The following ELMO1 variants were observed in gnomAD, a reference collection of about 807,000 sequenced individuals.
ELMO1 encodes engulfment and cell motility protein 1.
In ELMO1, 26 loss-of-function variants were observed where a neutral mutation model predicts 98.9. That is an observed-to-expected ratio of 0.26 (90% CI 0.19 to 0.36). The LOEUF is 0.36. ELMO1 is among the 10% of genes least tolerant of loss of function. ELMO1 has a pLI of 1.00. For missense variants in ELMO1, 627 were observed against 935.2 expected, an observed-to-expected ratio of 0.67 and a Z score of 4.30; for synonymous variants, 346 against 346.0, an observed-to-expected ratio of 1.00 and a Z score of 0.00.
intron 19 of ELMO1, among the ~76,000 whole-genome samples, chr7:36,871,293 T>C (rs1443713528): frequency 6.6e-6 from 1 of 152,164 alleles, no homozygotes; most frequent in Non-Finnish European, 1.5e-5. Context: ...TCTAGCACTT[T>C]GAGGGGCTGA....
chr7:37,132,918 T>C, intron 14 of ELMO1: 2 of 369,770 alleles, frequency 5.4e-6, no homozygotes, highest in Non-Finnish European at 9.6e-6. Flanking sequence ...TATTTTTTAA[T>C]GTCATCGAAA....
At chr7:37,315,010 C>T in intron 3 of ELMO1, 88 bp from the exon 4 acceptor site, 1 of 1,193,782 alleles carries the variant, frequency 8.4e-7, no homozygotes, top group Admixed American at 2.0e-5. Context: ...AACTAAGCAC[C>T]CTGTGATTGG....
intron 13 of ELMO1, among the ~76,000 whole-genome samples, chr7:37,205,805 A>T (rs575024913): frequency 4.6e-5 from 7 of 152,330 alleles, no homozygotes; most frequent in Non-Finnish European, 8.8e-5. Flanking sequence ...TGATTTGGGC[A>T]TTACAAATAA....
At chr7:37,393,732 G>A (rs1280216886) in intron 1 of ELMO1, 1 of 152,074 alleles carries the variant, frequency 6.6e-6, no homozygotes, top group East Asian at 1.9e-4. Flanking sequence ...CCTGGTTTTG[G>A]TTTATCCAAA....
At chr7:37,293,400 TG>T (rs1414078964) in intron 4 of ELMO1, among the ~76,000 whole-genome samples, 2 of 90,864 alleles carry the variant, frequency 2.2e-5, no homozygotes, top group Non-Finnish European at 5.3e-5. Flanking sequence ...CTTGGGATCC[TG>T]TTGATCGGTG....
At chr7:37,378,319 G>A (rs12535739) in intron 1 of ELMO1, among the ~76,000 whole-genome samples, 7,488 of 152,228 alleles carry the variant, frequency 0.049, 255 homozygotes, top group Admixed American at 0.073. Flanking sequence ...AAAGCTCCCC[G>A]TTCTCTCTCT....
chr7:37,387,596 A>G (rs1335986336), intron 1 of ELMO1, among the ~76,000 whole-genome samples: 3 of 152,096 alleles, frequency 2.0e-5, no homozygotes, highest in Non-Finnish European at 2.9e-5. Context: ...CGAATATACC[A>G]TTTTTGTAGG....
At chr7:37,027,290 G>A (rs1398763332) in intron 15 of ELMO1, among the ~76,000 whole-genome samples, 2 of 152,154 alleles carry the variant, frequency 1.3e-5, no homozygotes, top group African/African-American at 4.8e-5. Flanking sequence ...AAAATACAGA[G>A]ACATAGCCCT....
chr7:36,909,901 A>AAATG (rs1308705006), intron 16 of ELMO1, among the ~76,000 whole-genome samples: 1 of 152,248 alleles, frequency 6.6e-6, no homozygotes, highest in East Asian at 1.9e-4. Flanking sequence ...AGCAATAAAT[A>AAATG]AATGAATGAA....
At position 37,143,441 on chromosome 7, in the gene ELMO1, C is replaced by T. The variant is rs577111086; in HGVS notation, c.1087-10207G>A. 2.0e-5 allele frequency among the ~76,000 whole-genome samples: 3 copies of T among 152,312 alleles called. No homozygotes were observed. In the South Asian group the frequency reaches 6.2e-4, roughly 32 times the overall value. ...TATTTTTTTGCGACCGAGTCTCGCT[C>T]TGTCACCCAGGCTGGAGTGCAGTGG... is the stretch of plus-strand genomic sequence containing the variant. On this transcript the variant is annotated intron_variant, in intron 13 of 21. Coordinates refer to ENST00000310758, the MANE Select transcript of ELMO1 (RefSeq NM_014800.11).
chr7:37,422,924 T>C (rs370996374), intron 1 of ELMO1, among the ~76,000 whole-genome samples: 2 of 152,240 alleles, frequency 1.3e-5, no homozygotes, highest in East Asian at 1.9e-4. Flanking sequence ...GAGCCAAGCC[T>C]GTTAAGTCTG....
At chr7:37,405,490 A>C (rs1478957058) in intron 1 of ELMO1, among the ~76,000 whole-genome samples, 1 of 152,238 alleles carries the variant, frequency 6.6e-6, no homozygotes, top group Non-Finnish European at 1.5e-5. Flanking sequence ...TAACTGACAC[A>C]AATATGTGTG....
chr7:37,021,043 C>A (rs914135390), intron 15 of ELMO1, among the ~76,000 whole-genome samples: 3 of 152,150 alleles, frequency 2.0e-5, no homozygotes, highest in Non-Finnish European at 2.9e-5. Context: ...AATAATCTTA[C>A]CGTACTTAGA....
At chr7:37,279,723 A>G (rs1797042976) in intron 4 of ELMO1, among the ~76,000 whole-genome samples, 1 of 152,220 alleles carries the variant, frequency 6.6e-6, no homozygotes, top group African/African-American at 2.4e-5. Flanking sequence ...ACCTGGCACC[A>G]CAGGGATCCA....
chr7:37,250,157 T>C (rs1208506398), intron 6 of ELMO1, among the ~76,000 whole-genome samples: 1 of 152,142 alleles, frequency 6.6e-6, no homozygotes, highest in Non-Finnish European at 1.5e-5. Flanking sequence ...AATAGGGAAA[T>C]AGTTCACTGT....
intron 13 of ELMO1, among the ~76,000 whole-genome samples, chr7:37,187,531 C>T (rs1433174706): frequency 1.3e-5 from 2 of 152,176 alleles, no homozygotes; most frequent in Non-Finnish European, 2.9e-5. Context: ...TTAAATAAAA[C>T]TTCCCAATTC....
intron 15 of ELMO1, among the ~76,000 whole-genome samples, chr7:37,072,925 C>T (rs1045796543): frequency 1.3e-5 from 2 of 152,190 alleles, no homozygotes; most frequent in Non-Finnish European, 2.9e-5. Context: ...AAAGAGGTTT[C>T]TTGGTTTTCT....
At chr7:37,000,998 G>T (rs1415061861) in intron 16 of ELMO1, among the ~76,000 whole-genome samples, 2 of 151,318 alleles carry the variant, frequency 1.3e-5, no homozygotes, top group Non-Finnish European at 2.9e-5. Context: ...CAATCTTCTT[G>T]GAAAAAGAAC....
At chr7:36,924,953 A>T (rs1305542796) in intron 16 of ELMO1, among the ~76,000 whole-genome samples, 1 of 152,234 alleles carries the variant, frequency 6.6e-6, no homozygotes, top group Admixed American at 6.5e-5. Flanking sequence ...AATTCAGAAC[A>T]GTTTTACCCA....
Sources: allele counts gnomAD v4.1 joint callset (sites outside exome capture counted in the v4.1 genomes callset), GRCh38; gene constraint gnomAD v4.1.1; transcripts MANE v1.5; gene names NCBI Gene and HGNC (gene_info 2026-07-23, HGNC 2026-07-21).